The following DGKH variants were observed in gnomAD, a reference collection of about 807,000 sequenced individuals.
DGKH encodes the protein diacylglycerol kinase eta, also known as DAG kinase eta.
Under a neutral mutation model 159.3 loss-of-function variants are expected in DGKH, and 90 were observed. The observed-to-expected ratio is 0.57, with a 90% confidence interval of 0.48 to 0.67. The LOEUF is 0.67. DGKH is among the 30% of genes least tolerant of loss of function. DGKH has a pLI of 0.00. For missense variants in DGKH, 1,181 were observed against 1,506.1 expected, an observed-to-expected ratio of 0.78 and a Z score of 3.57; for synonymous variants, 536 against 553.8, an observed-to-expected ratio of 0.97 and a Z score of 0.45.
At chr13:42,128,604 C>T (rs1385692324) in intron 2 of DGKH, among the ~76,000 whole-genome samples, 1 of 149,874 alleles carries the variant, frequency 6.7e-6, no homozygotes, top group Non-Finnish European at 1.5e-5. Context: ...CTGTTTTCTT[C>T]AAGATCCCCT....
chr13:42,069,384 A>G (rs1245638711), intron 1 of DGKH: 1 of 1,521,208 alleles, frequency 6.6e-7, no homozygotes, highest in African/African-American at 1.4e-5. Context: ...TTCTTGACTT[A>G]CTGACTTTGA....
At chr13:42,118,206 G>C (rs900649218) in intron 1 of DGKH, among the ~76,000 whole-genome samples, 1 of 151,832 alleles carries the variant, frequency 6.6e-6, no homozygotes, top group Non-Finnish European at 1.5e-5. Flanking sequence ...AAGAGAGAGA[G>C]ACTCCGTCTC....
At position 42,127,038 on chromosome 13, in the gene DGKH, G is replaced by C. The variant is rs1955184481; in HGVS notation, c.193-425G>C. 1.3e-5 allele frequency among the ~76,000 whole-genome samples: 2 copies of C among 152,304 alleles called. 1 individual carries two copies. Among genetic ancestry groups the C allele is most frequent in the Middle Eastern group, 6.8e-3 (2 of 294 alleles). ...TTTACAGATGAATAAATAAAGCCAT[G>C]AAGAAGTTTAGTAACTTGCCTGAGA... On this transcript the variant is annotated intron_variant, in intron 1 of 29. Coordinates refer to ENST00000337343, the MANE Select transcript of DGKH (RefSeq NM_178009.5).
At chr13:42,215,475 T>A in intron 25 of DGKH, 100 bp from the exon 26 acceptor site, 1 of 886,048 alleles carries the variant, frequency 1.1e-6, no homozygotes, top group Non-Finnish European at 1.6e-6. Flanking sequence ...TAAAAATGTG[T>A]GCTGTGAATT....
At chr13:42,155,612 C>G in intron 4 of DGKH, 55 bp from the exon 5 acceptor site, 2 of 1,612,108 alleles carry the variant, frequency 1.2e-6, no homozygotes, top group South Asian at 2.2e-5. Context: ...AACAGTTCAG[C>G]ATCTGTAGCC....
At chr13:42,091,884 C>T (rs1392124653) in intron 1 of DGKH, among the ~76,000 whole-genome samples, 1 of 152,164 alleles carries the variant, frequency 6.6e-6, no homozygotes. Flanking sequence ...TATCATTTTA[C>T]ACCTGTTAGA....
chr13:42,196,097 G>C (rs1957197600), intron 17 of DGKH: 1 of 152,180 alleles, frequency 6.6e-6, no homozygotes, highest in Non-Finnish European at 1.5e-5. Flanking sequence ...AAACCATAAT[G>C]AGGTGCCCCT....
intron 1 of DGKH, chr13:42,068,814 C>A (rs1882766436): frequency 2.2e-6 from 1 of 461,856 alleles, no homozygotes; most frequent in Non-Finnish European, 3.7e-6. Context: ...ACCAAGTACT[C>A]ATAAAATCCT....
intron 12 of DGKH, among the ~76,000 whole-genome samples, chr13:42,174,978 C>T (rs1425343574): frequency 4.6e-5 from 7 of 152,150 alleles, no homozygotes; most frequent in African/African-American, 1.4e-4. Context: ...AAATGACTAA[C>T]GTTTTTAAAG....
intron 7 of DGKH, among the ~76,000 whole-genome samples, chr13:42,162,915 G>C (rs1436413474): frequency 6.6e-6 from 1 of 151,168 alleles, no homozygotes; most frequent in Non-Finnish European, 1.5e-5. Flanking sequence ...ACAATGTGCA[G>C]GTTAGTTACA....
intron 1 of DGKH, among the ~76,000 whole-genome samples, chr13:42,049,662 T>G (rs1881121831): frequency 6.6e-6 from 1 of 152,226 alleles, no homozygotes; most frequent in South Asian, 2.1e-4. Flanking sequence ...TCCCGCCAAG[T>G]GCAGGCAGGG....
chr13:42,174,081 A>G lies in DGKH; in HGVS notation c.1389A>G (p.Glu463=). ...MLDRWSIMTY[E]LKLPPKASLL... is the part of the protein sequence containing the mutation. ...TCAGGTGGAGTATAATGACATATGA[A>G]CTCAAATTGCCACCAAAAGCTTCCC... The change falls in exon 12 of 30, where the codon GAA becomes GAG. Residue 463 remains glutamate, a synonymous_variant. Transcript: ENST00000337343. 1 of 1,613,696 alleles carries G rather than the reference A, an allele frequency of 6.2e-7. No homozygotes were observed.
At chr13:42,209,125 A>G in intron 22 of DGKH, 53 bp downstream of exon 22, 1 of 1,527,258 alleles carries the variant, frequency 6.5e-7, no homozygotes, top group Non-Finnish European at 9.0e-7. Flanking sequence ...GGAGGGTTGA[A>G]GGAATCTATT....
At chr13:42,056,646 G>T (rs1046410009) in intron 1 of DGKH, among the ~76,000 whole-genome samples, 2 of 152,182 alleles carry the variant, frequency 1.3e-5, no homozygotes, top group African/African-American at 4.8e-5. Flanking sequence ...TCTGATGATT[G>T]TACCCATATC....
chr13:42,125,098 G>A (rs541249753), intron 1 of DGKH, among the ~76,000 whole-genome samples: 8 of 152,106 alleles, frequency 5.3e-5, no homozygotes, highest in Non-Finnish European at 1.2e-4. Context: ...TCACTTTCCT[G>A]CCTTAAACAT....
At chr13:42,218,865 T>C (rs1285078251) in intron 26 of DGKH, among the ~76,000 whole-genome samples, 2 of 152,076 alleles carry the variant, frequency 1.3e-5, no homozygotes, top group Non-Finnish European at 2.9e-5. Context: ...ATAGTAAGAC[T>C]GCACACTTAT....
chr13:42,184,307 T>G (rs757036051), intron 13 of DGKH, among the ~76,000 whole-genome samples: 6 of 152,192 alleles, frequency 3.9e-5, no homozygotes, highest in Non-Finnish European at 8.8e-5. Context: ...TTTATCTTAG[T>G]GTAGTATGTG....
intron 16 of DGKH, 51 bp from the exon 17 acceptor site, chr13:42,194,833 AT>A (rs1426401790): frequency 6.4e-7 from 1 of 1,561,136 alleles, no homozygotes; most frequent in Non-Finnish European, 8.7e-7. Context: ...GAACGTGCTT[AT>A]TTTTATAGCT....
intron 29 of DGKH, among the ~76,000 whole-genome samples, chr13:42,228,751 T>C (rs917387697): frequency 3.9e-5 from 6 of 152,008 alleles, no homozygotes; most frequent in African/African-American, 1.2e-4. Flanking sequence ...AGAAACTAAA[T>C]TGGTTTTGAC....
Sources: gnomAD v4.1 joint callset for allele counts (sites outside exome capture counted in the v4.1 genomes callset) on GRCh38, gnomAD v4.1.1 for gene constraint, MANE v1.5 for transcripts, NCBI Gene and HGNC (gene_info 2026-07-23, HGNC 2026-07-21) for gene names.